The following MICALL1 variants were observed in gnomAD, a reference collection of about 807,000 sequenced individuals.
MICALL1 encodes the protein MICAL like 1.
Under a neutral mutation model 83.7 loss-of-function variants are expected in MICALL1, and 61 were observed. The ratio of observed to expected loss-of-function variants is 0.73; its 90% CI spans 0.59 to 0.90. The LOEUF is 0.90. Among genes scored for constraint, MICALL1 ranks in the 40% least tolerant of loss-of-function variants. The probability of loss-of-function intolerance (pLI) is 0.00; values close to 1 mark genes in which losing one functional copy is unlikely to be tolerated. For synonymous variants in MICALL1, 481 were observed against 473.6 expected (o/e 1.02, Z -0.20); for missense variants, 1,066 against 1,152.0 (o/e 0.93, Z 1.08).
At chr22:37,926,491 G>A (rs1929448238) in intron 8 of MICALL1, 1 of 169,336 alleles carries the variant, frequency 5.9e-6, no homozygotes, top group South Asian at 1.6e-4. Flanking sequence ...GTGTGACCAG[G>A]TGTAATGACT....
intron 6 of MICALL1, among the ~76,000 whole-genome samples, chr22:37,922,800 T>TG (rs1569141771): frequency 6.7e-4 from 92 of 137,788 alleles, no homozygotes; most frequent in African/African-American, 2.1e-3. Context: ...TTTTTTGTTT[T>TG]TTTTTTTTTT....
chr22:37,924,684 C>T lies in MICALL1; in HGVS notation c.1049C>T (p.Pro350Leu). 1 of 1,612,336 alleles carries T rather than the reference C, an allele frequency of 6.2e-7. No homozygotes were observed. Among genetic ancestry groups the T allele is most frequent in the South Asian group, 1.1e-5 (1 of 90,820 alleles). The change falls in exon 7 of 16, where the codon CCC becomes CTC. Residue 350 changes from proline (P) to leucine (L), a missense_variant. By Grantham distance (98) the Pro-to-Leu change is moderately conservative. Coordinates refer to ENST00000215957, the MANE Select transcript of MICALL1 (RefSeq NM_033386.4). This position sits in a 1 kb window ranked among gnomAD's most constrained non-coding sequence, Gnocchi z 5.2. ...GGGAGACTGCACGAACTGCCTGTCCCCAAGCCGAGGGGGACACCGAAGCCG... is the reference window on the plus strand; with the variant it reads ...GGGAGACTGCACGAACTGCCTGTCCTCAAGCCGAGGGGGACACCGAAGCCG... ...VNGRLHELPV[P>L]KPRGTPKPSE...
In MICALL1 at chr22:37,930,148, T is replaced by C. The variant is rs1308439928; in HGVS notation, c.1882-1651T>C. Among the ~76,000 whole-genome samples, 1 of 152,194 alleles carries C rather than the reference T, an allele frequency of 6.6e-6. No individual in the cohort carries two copies. Among genetic ancestry groups the C allele is most frequent in the Non-Finnish European group, 1.5e-5 (1 of 68,020 alleles). On this transcript the variant is annotated intron_variant, in intron 9 of 15. Transcript: ENST00000215957. This position sits in a 1 kb window ranked among gnomAD's most constrained non-coding sequence, Gnocchi z 4.8. The stretch of plus-strand genomic sequence containing the variant: ...CTGCGTGAATATTGGTCTGAAGTTT[T>C]GGGGCTGAGAAAAGGCTGAAAACCT...
intron 6 of MICALL1, among the ~76,000 whole-genome samples, chr22:37,923,310 T>C (rs1929212768): frequency 6.6e-6 from 1 of 152,090 alleles, no homozygotes; most frequent in African/African-American, 2.4e-5. Flanking sequence ...CACTGCAATC[T>C]CTGCCTTCCA....
At chr22:37,936,748 T>C (rs112517116) in intron 13 of MICALL1, among the ~76,000 whole-genome samples, 10 of 152,196 alleles carry the variant, frequency 6.6e-5, no homozygotes, top group African/African-American at 1.9e-4. Context: ...AAAAATTAGC[T>C]GAGCGTGGTG....
rs1459792329 is a variant in MICALL1 at position 37,931,810 on chromosome 22, G to A, written c.1893G>A (p.Lys631=). ...SPQLQVKSSC[K]ENPFNRKPSP... is the part of the protein sequence containing the mutation. ...CTCCTTCCCTTTAGTCCTCCTGCAA[G>A]GAGAATCCTTTTAACCGGAAGCCAT... Residue 631 remains lysine, a synonymous_variant, in exon 10 of 16, where the codon AAG becomes AAA. Coordinates refer to ENST00000215957, the MANE Select transcript of MICALL1 (RefSeq NM_033386.4). 3.7e-6 allele frequency: 6 copies of A among 1,613,966 alleles called. No homozygotes were observed. Among genetic ancestry groups the A allele is most frequent in the East Asian group, 2.2e-5 (1 of 44,886 alleles).
rs1601842193 is a variant in MICALL1, at chr22:37,941,079, G to A, written c.*249G>A. The A allele has an allele frequency of 1.2e-5, 5 of 416,458 alleles. No homozygotes were observed. Among genetic ancestry groups the A allele is most frequent in the Non-Finnish European group, 2.2e-5 (5 of 225,932 alleles). The allele number at this position is 416,458 out of a possible 1,614,324, so 25.8% of individuals were successfully genotyped here. A position where few individuals can be genotyped will look rare whatever the true frequency, so the allele number is the denominator to read the frequency against. ...TGCCCAACCTGATTCTGATGACTGCGGATGCTGTGACGGACCCAAGGGGCA... is the reference window on the plus strand; with the variant it reads ...TGCCCAACCTGATTCTGATGACTGCAGATGCTGTGACGGACCCAAGGGGCA... On this transcript the variant is annotated 3_prime_UTR_variant, in exon 16 of 16. Coordinates refer to ENST00000215957, the MANE Select transcript of MICALL1 (RefSeq NM_033386.4).
chr22:37,917,676 G>C, intron 3 of MICALL1, 31 bp from the exon 4 acceptor site: 1 of 1,608,910 alleles, frequency 6.2e-7, no homozygotes, highest in Non-Finnish European at 8.5e-7. Flanking sequence ...ATCTCCACCT[G>C]CTTCAGGACC....
At chr22:37,936,154 C>G (rs567954442) in intron 13 of MICALL1, among the ~76,000 whole-genome samples, 1 of 152,164 alleles carries the variant, frequency 6.6e-6, no homozygotes, top group East Asian at 1.9e-4. Flanking sequence ...CCCCAGTGGG[C>G]CCCTGGGGGT....
chr22:37,931,924 C>T lies in MICALL1; in HGVS notation c.2007C>T (p.Ile669=). 6.2e-7 allele frequency: 1 copy of T among 1,614,082 alleles called. No individual in the cohort carries two copies. Among genetic ancestry groups the T allele is most frequent in the Non-Finnish European group, 8.5e-7 (1 of 1,179,998 alleles). The change falls in exon 10 of 16, where the codon ATC becomes ATT. Residue 669 remains isoleucine, a synonymous_variant. Coordinates refer to ENST00000215957, the MANE Select transcript of MICALL1 (RefSeq NM_033386.4). ...PPAPGHGFPL[I]KRKVQADQYI... ...CCCCTGGACACGGCTTTCCACTCATCAAACGCAAGGTACCAGCTGGGAGCC... is the reference window on the plus strand; with the variant it reads ...CCCCTGGACACGGCTTTCCACTCATTAAACGCAAGGTACCAGCTGGGAGCC...
chr22:37,918,839 G>C (rs1245432670), intron 4 of MICALL1, among the ~76,000 whole-genome samples, 197 bp from the exon 5 acceptor site: 3 of 152,222 alleles, frequency 2.0e-5, no homozygotes, highest in Non-Finnish European at 4.4e-5. Flanking sequence ...CTGGGCTTTG[G>C]CTTCCTCACC....
chr22:37,925,501 A>G (rs575614235), intron 7 of MICALL1, among the ~76,000 whole-genome samples, 160 bp from the exon 8 acceptor site: 1 of 152,238 alleles, frequency 6.6e-6, no homozygotes, highest in Non-Finnish European at 1.5e-5. Context: ...TGTGACTGTA[A>G]CATTCCATTT....
intron 1 of MICALL1, among the ~76,000 whole-genome samples, chr22:37,908,548 C>T (rs188738604): frequency 7.2e-5 from 11 of 152,260 alleles, no homozygotes; most frequent in African/African-American, 1.9e-4. Context: ...AATCTGCCTA[C>T]CTCAGCCTCC....
In MICALL1 at chr22:37,930,553, G is replaced by C. The variant is rs56296584; in HGVS notation, c.1882-1246G>C. Among the ~76,000 whole-genome samples, 5,037 of 152,336 alleles carry C rather than the reference G, an allele frequency of 0.033. 266 individuals are homozygous for C. Among genetic ancestry groups the C allele is most frequent in the African/African-American group, 0.11 (4,609 of 41,562 alleles). ...GCTTCTTGGAGCATCCCAGGTCTCA[G>C]GTGAGGCCTCTGTAAGGGGCTCGCA... On this transcript the variant is annotated intron_variant, in intron 9 of 15. Transcript: ENST00000215957. This position sits in a 1 kb window ranked among gnomAD's most constrained non-coding sequence, Gnocchi z 4.8.
In MICALL1 at chr22:37,924,742, C is replaced by T. The variant is rs763777770; in HGVS notation, c.1082+25C>T. 18 of 1,609,082 alleles carry T rather than the reference C, an allele frequency of 1.1e-5. No individual in the cohort carries two copies. In the South Asian group the frequency reaches 1.4e-4, roughly 13 times the overall value. Reference sequence around the variant, plus strand: ...GGTATGTCGATCCCTGAGGGGCTTTCCTGCTTTGGAGGTCCTGGTGGTGGG... The same window carrying T: ...GGTATGTCGATCCCTGAGGGGCTTTTCTGCTTTGGAGGTCCTGGTGGTGGG... On this transcript the variant is annotated intron_variant, in intron 7 of 15. Transcript: ENST00000215957. The surrounding 1 kb of genome is among the most constrained non-coding windows in gnomAD (Gnocchi z 5.2).
chr22:37,918,990 G>A, intron 4 of MICALL1, 46 bp from the exon 5 acceptor site: 1 of 1,507,980 alleles, frequency 6.6e-7, no homozygotes, highest in African/African-American at 1.4e-5. Context: ...CAGGATGGCT[G>A]GTGACCATGT....
At chr22:37,925,307 C>G (rs966468382) in intron 7 of MICALL1, among the ~76,000 whole-genome samples, 8 of 152,118 alleles carry the variant, frequency 5.3e-5, no homozygotes, top group Non-Finnish European at 1.0e-4. Context: ...TTACACCAAC[C>G]CTGTGAGGCA....
At chr22:37,909,363 AG>A (rs1483920618) in intron 1 of MICALL1, among the ~76,000 whole-genome samples, 1 of 135,714 alleles carries the variant, frequency 7.4e-6, no homozygotes, top group East Asian at 2.2e-4. Context: ...CGAGCCACGT[AG>A]GTTTTTTTTT....
At chr22:37,911,807 A>T in intron 1 of MICALL1, 145 bp from the exon 2 acceptor site, 1 of 779,718 alleles carries the variant, frequency 1.3e-6, no homozygotes, top group Non-Finnish European at 2.3e-6. Context: ...TTAGTAATCC[A>T]CAGACTCCCC....
Sources: allele counts gnomAD v4.1 joint callset (sites outside exome capture counted in the v4.1 genomes callset), GRCh38; gene constraint gnomAD v4.1.1; non-coding constraint Gnocchi (gnomAD v3.1); transcripts MANE v1.5; gene names NCBI Gene and HGNC (gene_info 2026-07-23, HGNC 2026-07-21).